UTRN: variants seen among roughly 807,000 people sequenced by gnomAD.
UTRN encodes the protein dystrophin-related protein 1.
UTRN carries 283 observed loss-of-function variants against 463.9 expected under a neutral mutation model. That is an observed-to-expected ratio of 0.61 (90% confidence interval 0.55 to 0.67). UTRN has a LOEUF of 0.67. UTRN is among the 30% of genes least tolerant of loss of function. The pLI is 0.00. For synonymous variants in UTRN, 1,442 were observed against 1,431.5 expected (o/e 1.01, Z -0.17); for missense variants, 3,922 against 4,084.3 (o/e 0.96, Z 1.08).
At chr6:144,491,949 G>C (rs1793112604) in intron 32 of UTRN, among the ~76,000 whole-genome samples, 1 of 152,036 alleles carries the variant, frequency 6.6e-6, no homozygotes, top group East Asian at 1.9e-4. Context: ...CAGGTAACTA[G>C]GAAGAAGACA....
chr6:144,498,552 G>A (rs1196993328), intron 33 of UTRN, among the ~76,000 whole-genome samples: 2 of 152,134 alleles, frequency 1.3e-5, no homozygotes, highest in Non-Finnish European at 2.9e-5. Context: ...CCTTCATGGA[G>A]AGGATTCTAA....
chr6:144,461,144 T>C, intron 21 of UTRN, 53 bp from the exon 22 acceptor site: 2 of 1,463,396 alleles, frequency 1.4e-6, no homozygotes, highest in Non-Finnish European at 1.8e-6. Flanking sequence ...GTCTATGTAA[T>C]AATATTGGTT....
chr6:144,595,818 T>C (rs543085105), intron 51 of UTRN, among the ~76,000 whole-genome samples: 26 of 152,292 alleles, frequency 1.7e-4, no homozygotes, highest in African/African-American at 6.0e-4. Flanking sequence ...CTTTGCATAA[T>C]ATGTTTTTTG....
intron 39 of UTRN, 63 bp from the exon 40 acceptor site, chr6:144,521,917 T>G: frequency 2.9e-6 from 3 of 1,034,528 alleles, no homozygotes; most frequent in Non-Finnish European, 3.7e-6. Flanking sequence ...TTATTATTCA[T>G]TGTGGGGGTA....
At chr6:144,492,838 T>C (rs151096780) in intron 32 of UTRN, among the ~76,000 whole-genome samples, 1 of 152,346 alleles carries the variant, frequency 6.6e-6, no homozygotes, top group East Asian at 1.9e-4. Flanking sequence ...ATATGTTCAT[T>C]GTGGTAGACT....
intron 23 of UTRN, among the ~76,000 whole-genome samples, chr6:144,466,666 G>A (rs912777687): frequency 5.3e-5 from 8 of 152,152 alleles, no homozygotes; most frequent in African/African-American, 1.9e-4. Flanking sequence ...GAATCATGGG[G>A]ATAACATATT....
At chr6:144,825,068 G>C (rs1011680518) in intron 66 of UTRN, among the ~76,000 whole-genome samples, 17 of 152,122 alleles carry the variant, frequency 1.1e-4, no homozygotes, top group Middle Eastern at 3.4e-3. Flanking sequence ...ATAGGTATAA[G>C]CCACCGAGCC....
At chr6:144,359,720 G>GTTT (rs560188157) in intron 2 of UTRN, among the ~76,000 whole-genome samples, 1 of 139,100 alleles carries the variant, frequency 7.2e-6, no homozygotes, top group Non-Finnish European at 1.6e-5. Flanking sequence ...TCTACGCATC[G>GTTT]TTTTTTTTTT....
chr6:144,329,903 G>A (rs1188872338), intron 2 of UTRN, among the ~76,000 whole-genome samples: 1 of 152,240 alleles, frequency 6.6e-6, no homozygotes, highest in Non-Finnish European at 1.5e-5. Context: ...GGCAGGCACT[G>A]CACTGGGTGT....
chr6:144,782,038 G>A lies in UTRN; in HGVS notation c.8749G>A (p.Gly2917Arg). The A allele has an allele frequency of 6.2e-7, 1 of 1,613,964 alleles. No individual in the cohort carries two copies. Among genetic ancestry groups the A allele is most frequent in the Non-Finnish European group, 8.5e-7 (1 of 1,179,956 alleles). Residue 2917 changes from glycine (G) to arginine (R), a missense_variant, in exon 61 of 75, where the codon GGA (glycine) becomes AGA (arginine). Coordinates refer to ENST00000367545, the MANE Select transcript of UTRN (RefSeq NM_007124.3). ...VINCLTTTYD[G>R]LEQMHKDLVN... ...CAACTGTCTGACAACAACTTATGATGGACTTGAGCAAATGCATAAGGACCT... is the reference window on the plus strand; with the variant it reads ...CAACTGTCTGACAACAACTTATGATAGACTTGAGCAAATGCATAAGGACCT...
chr6:144,354,866 CTA>C (rs2114668220), intron 2 of UTRN, among the ~76,000 whole-genome samples: 1 of 152,234 alleles, frequency 6.6e-6, no homozygotes, highest in South Asian at 2.1e-4. Context: ...AAAACGAGGT[CTA>C]TCTCTGCACG....
chr6:144,369,477 T>C (rs1415488241), intron 2 of UTRN, among the ~76,000 whole-genome samples: 1 of 152,172 alleles, frequency 6.6e-6, no homozygotes, highest in East Asian at 1.9e-4. Flanking sequence ...ATTAGCTGAT[T>C]GTGGTGGCGC....
At position 144,754,845 on chromosome 6, in the gene UTRN, C is replaced by T. The variant is rs746674014; in HGVS notation, c.8434+47C>T. The T allele has an allele frequency of 6.4e-6, 10 of 1,556,098 alleles. No individual in the cohort carries two copies. The East Asian group carries it at 1.8e-4, about 28-fold the overall frequency. On this transcript the variant is annotated intron_variant, in intron 57 of 74. Transcript: ENST00000367545. ...TGATCGCATTAATTGAATGAATTAG[C>T]ATTTTCTTTCACTTTAATTGAAGAA...
chr6:144,364,828 G>C (rs955531099), intron 2 of UTRN, among the ~76,000 whole-genome samples: 1 of 152,138 alleles, frequency 6.6e-6, no homozygotes, highest in African/African-American at 2.4e-5. Context: ...CTTGGCTCAT[G>C]GCTCTCTTTA....
chr6:144,688,385 T>C (rs930470849), intron 52 of UTRN, among the ~76,000 whole-genome samples: 4 of 152,244 alleles, frequency 2.6e-5, no homozygotes, highest in Non-Finnish European at 5.9e-5. Context: ...GATTTCATAT[T>C]GATTTGGATT....
chr6:144,344,336 A>G (rs777374220), intron 2 of UTRN: 23 of 1,303,786 alleles, frequency 1.8e-5, no homozygotes, highest in Non-Finnish European at 2.3e-5. Flanking sequence ...ACTCCCAGCC[A>G]GTGAGGTTTT....
chr6:144,451,970 ATG>A (rs1788365853), intron 18 of UTRN, among the ~76,000 whole-genome samples: 1 of 152,186 alleles, frequency 6.6e-6, no homozygotes, highest in African/African-American at 2.4e-5. Flanking sequence ...TTCCATGCTT[ATG>A]TGTGTTTCTG....
chr6:144,514,480 GTTCTCCAA>G (rs1195834250), intron 36 of UTRN, among the ~76,000 whole-genome samples, 162 bp from the exon 37 acceptor site: 1 of 152,130 alleles, frequency 6.6e-6, no homozygotes, highest in African/African-American at 2.4e-5. Context: ...TTACCTCTGT[GTTCTCCAA>G]TGAGTCCTAT....
Position 144,499,273 on chromosome 6 carries a change from A to G in UTRN, c.4610A>G (p.Gln1537Arg). 1.2e-6 allele frequency: 2 copies of G among 1,612,278 alleles called. No homozygotes were observed. Among genetic ancestry groups the G allele is most frequent in the Middle Eastern group, 3.3e-4 (2 of 6,046 alleles). The change falls in exon 34 of 75, where the codon CAG (glutamine) becomes CGG (arginine). Residue 1537 changes from glutamine (Q) to arginine (R), a missense_variant. Around this residue, in one of 3 missense-constraint regions of UTRN, gnomAD observed 2,349 missense variants for 2,303.8 expected, o/e 1.02. Coordinates refer to ENST00000367545, the MANE Select transcript of UTRN (RefSeq NM_007124.3). Reference protein sequence around the residue: ...DLGAQVTEGKQDLERASQLAR... With the variant: ...DLGAQVTEGKRDLERASQLAR... The stretch of plus-strand genomic sequence containing the variant: ...CCGTCTCAGGTGACAGAAGGAAAAC[A>G]GGATCTGGAAAGAGCATCACAGTTG...
Sources: gnomAD v4.1 joint callset for allele counts (sites outside exome capture counted in the v4.1 genomes callset) on GRCh38, gnomAD v4.1.1 for gene constraint, gnomAD v4.1.1 regional missense constraint, MANE v1.5 for transcripts, NCBI Gene and HGNC (gene_info 2026-07-23, HGNC 2026-07-21) for gene names.